The following DNAJC10 variants were observed in gnomAD, a reference collection of about 807,000 sequenced individuals.
DNAJC10 encodes DnaJ heat shock protein family (Hsp40) member C10, also known as endoplasmic reticulum disulfide reductase DNAJC10.
Under a neutral mutation model 115.0 loss-of-function variants are expected in DNAJC10, and 101 were observed. That is an observed-to-expected ratio of 0.88 (90% CI 0.75 to 1.04). DNAJC10 has a LOEUF of 1.04. Ranked by LOEUF, DNAJC10 falls within the 50% of genes least tolerant of loss-of-function variation. The pLI is 0.00. For synonymous variants in DNAJC10, 307 were observed against 301.5 expected, an observed-to-expected ratio of 1.02 and a Z score of -0.19; for missense variants, 981 against 928.8, an observed-to-expected ratio of 1.06 and a Z score of -0.73.
chr2:182,757,922 A>G, intron 19 of DNAJC10, 97 bp downstream of exon 19: 1 of 710,738 alleles, frequency 1.4e-6, no homozygotes, highest in South Asian at 2.9e-5. Flanking sequence ...TAACCCAACA[A>G]ATATTTATTG....
Position 182,788,465 on chromosome 2 carries a change from A to G in DNAJC10, c.*11333A>G. The stretch of plus-strand genomic sequence containing the variant: ...GGATGAGAACTGTAAATCATCAAAT[A>G]AGTTATAAAACCACCAAAAAATAGG... On this transcript the variant is annotated 3_prime_UTR_variant, in exon 24 of 24. Coordinates refer to ENST00000264065, the MANE Select transcript of DNAJC10 (RefSeq NM_018981.4). The G allele has an allele frequency of 4.7e-6, 1 of 210,924 alleles. No homozygotes were observed. Among genetic ancestry groups the G allele is most frequent in the Non-Finnish European group, 9.5e-6 (1 of 104,898 alleles). The allele number at this position is 210,924 out of a possible 1,614,324, so 13.1% of individuals were successfully genotyped here.
At position 182,779,363 on chromosome 2, in the gene DNAJC10, A is replaced by G. The variant is rs1301245622; in HGVS notation, c.*2231A>G. On this transcript the variant is annotated 3_prime_UTR_variant, in exon 24 of 24. Transcript: ENST00000264065. Reference sequence around the variant, plus strand: ...TCTCAGCAACACCATTTTTGTGTGCAGCTGACCCTCTAACATGGTATCAAT... The same window carrying G: ...TCTCAGCAACACCATTTTTGTGTGCGGCTGACCCTCTAACATGGTATCAAT... The G allele has an allele frequency of 2.0e-5, 3 of 152,204 alleles. No homozygotes were observed. Among genetic ancestry groups the G allele is most frequent in the Non-Finnish European group, 4.4e-5 (3 of 68,038 alleles). The allele number at this position is 152,204 out of a possible 1,614,324, so 9.4% of individuals were successfully genotyped here. A position where few individuals can be genotyped will look rare whatever the true frequency, so the allele number is the denominator to read the frequency against.
rs1694917330 is a variant in DNAJC10 at position 182,784,777 on chromosome 2, G to T, written c.*7645G>T. 1 of 152,122 alleles carries T rather than the reference G, an allele frequency of 6.6e-6. No homozygotes were observed. Among genetic ancestry groups the T allele is most frequent in the African/African-American group, 2.4e-5 (1 of 41,442 alleles). 9.4% of individuals were successfully genotyped at this position (152,122 alleles called of 1,614,324 possible). A position where few individuals can be genotyped will look rare whatever the true frequency, so the allele number is the denominator to read the frequency against. Reference sequence around the variant, plus strand: ...TAAAGTAGCACCTATTCTTTTGAAAGGAACTTTCTCAAAGGATTTTTAGGG... The same window carrying T: ...TAAAGTAGCACCTATTCTTTTGAAATGAACTTTCTCAAAGGATTTTTAGGG... On this transcript the variant is annotated 3_prime_UTR_variant, in exon 24 of 24. Transcript: ENST00000264065.
intron 17 of DNAJC10, 109 bp downstream of exon 17, chr2:182,755,213 A>G (rs989601487): frequency 5.9e-6 from 4 of 672,456 alleles, no homozygotes; most frequent in Admixed American, 2.8e-5. Flanking sequence ...TGCCCAAACT[A>G]TTTTCTTACA....
chr2:182,738,237 T>C (rs193183631), intron 11 of DNAJC10, among the ~76,000 whole-genome samples: 2 of 152,048 alleles, frequency 1.3e-5, no homozygotes, highest in East Asian at 3.9e-4. Flanking sequence ...CTTGTGCACT[T>C]TTTCAGTTAT....
intron 19 of DNAJC10, among the ~76,000 whole-genome samples, chr2:182,758,591 C>T (rs1302744977): frequency 6.6e-6 from 1 of 152,070 alleles, no homozygotes; most frequent in African/African-American, 2.4e-5. Flanking sequence ...CATAGGTCTA[C>T]AGGAGATGTC....
intron 12 of DNAJC10, among the ~76,000 whole-genome samples, 188 bp from the exon 13 acceptor site, chr2:182,741,055 A>G (rs1277513439): frequency 6.6e-6 from 1 of 152,122 alleles, no homozygotes; most frequent in Non-Finnish European, 1.5e-5. Context: ...CTCCTGTAAT[A>G]TTTGTTGATT....
chr2:182,770,382 T>C (rs939315508), intron 22 of DNAJC10, among the ~76,000 whole-genome samples: 2 of 152,238 alleles, frequency 1.3e-5, no homozygotes, highest in Non-Finnish European at 2.9e-5. Flanking sequence ...GGGGATGGAA[T>C]TGAATCTATA....
chr2:182,725,320 G>A (rs573161654), intron 5 of DNAJC10, among the ~76,000 whole-genome samples: 1 of 152,290 alleles, frequency 6.6e-6, no homozygotes, highest in African/African-American at 2.4e-5. Flanking sequence ...GTGTTGAAGT[G>A]GAAGAGATGC....
chr2:182,750,297 G>T (rs1442513684), intron 14 of DNAJC10, among the ~76,000 whole-genome samples: 2 of 152,172 alleles, frequency 1.3e-5, no homozygotes, highest in Non-Finnish European at 2.9e-5. Flanking sequence ...CACTAGCTAG[G>T]TTATTGCAGA....
rs1216717563 is a variant in DNAJC10, at chr2:182,785,128, CAAT to C, written c.*7999_*8001del. On this transcript the variant is annotated 3_prime_UTR_variant, in exon 24 of 24. Transcript: ENST00000264065. ...TACTCAAAGTGTATGAATGGTATGA[CAAT>C]AAATTTAGAAAATCATACAGGCACA... 1 of 151,958 alleles carries C rather than the reference CAAT, an allele frequency of 6.6e-6. No individual in the cohort carries two copies. Among genetic ancestry groups the C allele is most frequent in the African/African-American group, 2.4e-5 (1 of 41,356 alleles). The allele number at this position is 151,958 out of a possible 1,614,324, so 9.4% of individuals were successfully genotyped here. A position where few individuals can be genotyped will look rare whatever the true frequency, so the allele number is the denominator to read the frequency against.
In DNAJC10 at chr2:182,722,075, G is replaced by T. The variant is rs758614365; in HGVS notation, c.418G>T (p.Asp140Tyr). ...CATAACATTGGAAAGAAGAGAATTT[G>T]GTAAGTTTGTGGGCTTAAGGTTTTA... ...EIITLERREF[D>Y]AAVNSGELWF... Residue 140 changes from aspartate (D) to tyrosine (Y), a missense_variant and splice_region_variant, in exon 5 of 24, where the codon GAT becomes TAT. By Grantham distance (160) the Asp-to-Tyr change is radical. Transcript: ENST00000264065. 6.4e-7 allele frequency: 1 copy of T among 1,562,722 alleles called. No homozygotes were observed. The highest frequency in any genetic ancestry group is 1.2e-5 in the South Asian group (1 of 83,478).
intron 9 of DNAJC10, among the ~76,000 whole-genome samples, 163 bp from the exon 10 acceptor site, chr2:182,732,336 T>TG (rs34295287): frequency 0.17 from 26,208 of 151,520 alleles, 5,240 homozygotes; most frequent in African/African-American, 0.49. Flanking sequence ...GTGTGTGTGT[T>TG]TGTATGTGTG....
At chr2:182,740,961 A>T (rs1427257454) in intron 12 of DNAJC10, among the ~76,000 whole-genome samples, 2 of 152,118 alleles carry the variant, frequency 1.3e-5, no homozygotes, top group African/African-American at 4.8e-5. Context: ...TTTGCCACCC[A>T]ACTTTTTAGC....
At chr2:182,745,286 C>T (rs1285531640) in intron 14 of DNAJC10, among the ~76,000 whole-genome samples, 3 of 152,206 alleles carry the variant, frequency 2.0e-5, no homozygotes. Context: ...TTAATTCCCA[C>T]TGCTGCCCCT....
At chr2:182,728,718 G>T in intron 6 of DNAJC10, 60 bp downstream of exon 6, 1 of 1,488,008 alleles carries the variant, frequency 6.7e-7, no homozygotes, top group Non-Finnish European at 9.1e-7. Context: ...CAATTTATAT[G>T]TTAGAATTTT....
intron 10 of DNAJC10, 97 bp from the exon 11 acceptor site, chr2:182,736,152 G>T: frequency 1.7e-6 from 2 of 1,199,262 alleles, no homozygotes; most frequent in African/African-American, 1.6e-5. Context: ...TTAATTTTTT[G>T]GTAGAAAAAT....
intron 10 of DNAJC10, among the ~76,000 whole-genome samples, chr2:182,734,392 A>G (rs1693533371): frequency 6.6e-6 from 1 of 151,598 alleles, no homozygotes; most frequent in Non-Finnish European, 1.5e-5. Context: ...GTTATTTTTA[A>G]AAGTAATTTT....
rs146817766 is a variant in DNAJC10, at chr2:182,775,615, A to G, written c.2370+195A>G. ...CACTGAAATGCTTTTAAAAATTTGG[A>G]CAAGTAAAACCACTTAACAAAAAAT... On this transcript the variant is annotated intron_variant, in intron 23 of 23. Coordinates refer to ENST00000264065, the MANE Select transcript of DNAJC10 (RefSeq NM_018981.4). Among the ~76,000 whole-genome samples the G allele has an allele frequency of 1.8e-3, 273 of 152,324 alleles. 2 individuals are homozygous for G. The highest frequency in any genetic ancestry group is 6.3e-3 in the African/African-American group (260 of 41,568).
Sources: allele counts gnomAD v4.1 joint callset (sites outside exome capture counted in the v4.1 genomes callset), GRCh38; gene constraint gnomAD v4.1.1; transcripts MANE v1.5; gene names NCBI Gene and HGNC (gene_info 2026-07-23, HGNC 2026-07-21).